ANKHD1: variants seen among roughly 807,000 people sequenced by gnomAD.
ANKHD1 encodes the protein ankyrin repeat and KH domain containing 1.
Under a neutral mutation model 230.5 loss-of-function variants are expected in ANKHD1, and 31 were observed. The observed-to-expected ratio is 0.13, with a 90% CI of 0.10 to 0.18. The LOEUF is 0.18. Ranked by LOEUF, ANKHD1 falls within the 10% of genes least tolerant of loss-of-function variation. ANKHD1 has a pLI of 1.00. For missense variants in ANKHD1, 2,256 were observed against 3,071.3 expected (o/e 0.73, Z 6.27); for synonymous variants, 1,074 against 1,117.6 (o/e 0.96, Z 0.78).
At chr5:140,460,257 T>C (rs936568730) in intron 9 of ANKHD1, among the ~76,000 whole-genome samples, 2 of 152,056 alleles carry the variant, frequency 1.3e-5, no homozygotes, top group African/African-American at 4.8e-5. Context: ...TATTTGTAGT[T>C]TTATAGAACA....
chr5:140,447,607 A>C (rs563893759), intron 6 of ANKHD1, among the ~76,000 whole-genome samples: 1 of 152,374 alleles, frequency 6.6e-6, no homozygotes, highest in East Asian at 1.9e-4. Context: ...AATCTAAATT[A>C]ACGATTTGAG....
At chr5:140,430,354 A>T (rs1030864534) in intron 1 of ANKHD1, among the ~76,000 whole-genome samples, 29 of 152,264 alleles carry the variant, frequency 1.9e-4, no homozygotes, top group East Asian at 1.4e-3. Flanking sequence ...CTATAAGTGG[A>T]TGTATTTATT....
chr5:140,473,030 T>C (rs1750750864), intron 10 of ANKHD1, among the ~76,000 whole-genome samples: 1 of 149,998 alleles, frequency 6.7e-6, no homozygotes, highest in African/African-American at 2.4e-5. Flanking sequence ...AAGTTTCTTT[T>C]TTTTTTTTTT....
At chr5:140,509,307 A>G (rs1752664782) in intron 20 of ANKHD1, among the ~76,000 whole-genome samples, 1 of 152,234 alleles carries the variant, frequency 6.6e-6, no homozygotes, top group African/African-American at 2.4e-5. Flanking sequence ...AGTGATTTTA[A>G]TCTACTTATT....
At chr5:140,509,305 T>TA in intron 20 of ANKHD1, among the ~76,000 whole-genome samples, 2 of 152,236 alleles carry the variant, frequency 1.3e-5, no homozygotes, top group East Asian at 3.8e-4. Flanking sequence ...AAAGTGATTT[T>TA]AATCTACTTA....
Position 140,504,856 on chromosome 5 carries a change from T to C in ANKHD1, c.3040T>C (p.Ser1014Pro), listed in dbSNP as rs2127051209. The C allele has an allele frequency of 6.2e-7, 1 of 1,614,072 alleles. No homozygotes were observed. The highest frequency in any genetic ancestry group is 8.5e-7 in the Non-Finnish European group (1 of 1,179,998). Residue 1014 changes from serine (S) to proline (P), a missense_variant, in exon 16 of 34, where the codon TCT becomes CCT. Physicochemically the swap from Ser to Pro is moderately conservative, Grantham distance 74 (BLOSUM62 -1). Transcript: ENST00000360839. ...STRVPTGSNS[S>P]SQTTECLTPE... ...CAGAGTGCCCACTGGTTCCAACAGTTCTTCTCAGACCACAGAGTGTCTTAC... is the reference window on the plus strand; with the variant it reads ...CAGAGTGCCCACTGGTTCCAACAGTCCTTCTCAGACCACAGAGTGTCTTAC...
chr5:140,463,190 A>G (rs1437543424), intron 9 of ANKHD1, among the ~76,000 whole-genome samples: 3 of 152,002 alleles, frequency 2.0e-5, no homozygotes, highest in Non-Finnish European at 2.9e-5. Flanking sequence ...TTGAACTTTC[A>G]GATTTAAATA....
chr5:140,433,734 T>A (rs1368390251), intron 1 of ANKHD1, among the ~76,000 whole-genome samples: 2 of 152,122 alleles, frequency 1.3e-5, no homozygotes, highest in African/African-American at 2.4e-5. Flanking sequence ...CTTGGCTTTT[T>A]AAAATGTTAC....
At chr5:140,417,565 C>T (rs962598045) in intron 1 of ANKHD1, among the ~76,000 whole-genome samples, 3 of 152,002 alleles carry the variant, frequency 2.0e-5, no homozygotes, top group Admixed American at 6.6e-5. Flanking sequence ...CCTCCCACCT[C>T]GGCCTCCTAA....
At chr5:140,413,728 C>T (rs1771121509) in intron 1 of ANKHD1, among the ~76,000 whole-genome samples, 1 of 152,010 alleles carries the variant, frequency 6.6e-6, no homozygotes. Flanking sequence ...TATATATGTA[C>T]ACACATGCAC....
Position 140,421,261 on chromosome 5 carries a change from G to T in ANKHD1, c.307-14843G>T, listed in dbSNP as rs1251098242. Among the ~76,000 whole-genome samples, 8 of 150,178 alleles carry T rather than the reference G, an allele frequency of 5.3e-5. 1 individual carries two copies. The South Asian group carries it at 1.7e-3, about 32-fold the overall frequency. ...AGGGCAACAAACAAATGGATAATTG[G>T]AATAAACTATAAAACATGGTAATTA... is the stretch of plus-strand genomic sequence containing the variant. On this transcript the variant is annotated intron_variant, in intron 1 of 33. Coordinates refer to ENST00000360839, the MANE Select transcript of ANKHD1 (RefSeq NM_017747.3).
Position 140,537,516 on chromosome 5 carries a change from C to G in ANKHD1, c.7155C>G (p.Ala2385=). 6.2e-7 allele frequency: 1 copy of G among 1,613,660 alleles called. No individual in the cohort carries two copies. The highest frequency in any genetic ancestry group is 1.3e-5 in the African/African-American group (1 of 75,020). The change falls in exon 31 of 34, where the codon GCC becomes GCG. Residue 2385 remains alanine (A), a synonymous_variant. Coordinates refer to ENST00000360839, the MANE Select transcript of ANKHD1 (RefSeq NM_017747.3). ...GGCAAGGAGGGTCTGTTGCACAAGC[C>G]CCGGCGGGGACCAGTTTTGTCGCTC... ...RIRQGGSVAQ[A]PAGTSFVAPV... is the part of the protein sequence containing the mutation.
chr5:140,539,336 C>A (rs371402594), intron 33 of ANKHD1, 23 bp from the exon 34 acceptor site: 150 of 1,611,802 alleles, frequency 9.3e-5, no homozygotes, highest in Non-Finnish European at 1.3e-4. Context: ...TTAGAAATTC[C>A]AATTTTTCCT....
At position 140,433,063 on chromosome 5, in the gene ANKHD1, C is replaced by A. The variant is rs1047658967; in HGVS notation, c.307-3041C>A. On this transcript the variant is annotated intron_variant, in intron 1 of 33. Transcript: ENST00000360839. ...CCAAGCCCCACCCCCTTCCCCCCCC[C>A]AAAAAAAAAACGGGGGTTTCTTTTG... 5.9e-4 allele frequency among the ~76,000 whole-genome samples: 87 copies of A among 147,890 alleles called. No homozygotes were observed. In the East Asian group the frequency reaches 0.011, roughly 19 times the overall value.
At position 140,467,939 on chromosome 5, in the gene ANKHD1, C is replaced by T. The variant is rs1384125517; in HGVS notation, c.1782+3163C>T. 2.0e-5 allele frequency among the ~76,000 whole-genome samples: 3 copies of T among 151,978 alleles called. No homozygotes were observed. The East Asian group carries it at 5.8e-4, about 29-fold the overall frequency. On this transcript the variant is annotated intron_variant, in intron 10 of 33. Coordinates refer to ENST00000360839, the MANE Select transcript of ANKHD1 (RefSeq NM_017747.3). ...CTGTTTTGGGCTATAATAATTTCCT[C>T]CAGCAGTTTGCAGATAGAGGACTGT...
At chr5:140,425,984 T>C (rs1008438316) in intron 1 of ANKHD1, among the ~76,000 whole-genome samples, 4 of 152,152 alleles carry the variant, frequency 2.6e-5, no homozygotes, top group Non-Finnish European at 5.9e-5. Context: ...AGTGGAGGGC[T>C]CACGTTGGGT....
At chr5:140,498,239 G>A (rs1279629203) in intron 15 of ANKHD1, 1 of 152,164 alleles carries the variant, frequency 6.6e-6, no homozygotes, top group Non-Finnish European at 1.5e-5. Flanking sequence ...TTTCCTTACT[G>A]TTGTCTGTTG....
chr5:140,492,362 TG>T (rs1344680330), intron 14 of ANKHD1, among the ~76,000 whole-genome samples: 1 of 152,184 alleles, frequency 6.6e-6, no homozygotes, highest in Non-Finnish European at 1.5e-5. Context: ...GTTAAGTGAT[TG>T]CTATGTTAAA....
At chr5:140,481,564 CTTA>C (rs1456856409) in intron 10 of ANKHD1, among the ~76,000 whole-genome samples, 1 of 151,822 alleles carries the variant, frequency 6.6e-6, no homozygotes, top group Non-Finnish European at 1.5e-5. Context: ...CTACTCATTT[CTTA>C]TTGTTGTTTT....
Sources: gnomAD v4.1 joint callset for allele counts (sites outside exome capture counted in the v4.1 genomes callset) on GRCh38, gnomAD v4.1.1 for gene constraint, MANE v1.5 for transcripts, NCBI Gene and HGNC (gene_info 2026-07-23, HGNC 2026-07-21) for gene names.